NBAS: variants seen among roughly 807,000 people sequenced by gnomAD.
The protein encoded by NBAS is NAG/BC035112 fusion.
In NBAS, 219 loss-of-function variants were observed where a neutral mutation model predicts 302.5. The ratio of observed to expected loss-of-function variants is 0.72; its 90% CI spans 0.65 to 0.81. The LOEUF is 0.81. Ranked by LOEUF, NBAS falls within the 30% of genes least tolerant of loss-of-function variation. NBAS has a pLI of 0.00. For synonymous variants in NBAS, 1,118 were observed against 1,021.6 expected (o/e 1.09, Z -1.80); for missense variants, 2,932 against 2,841.6 (o/e 1.03, Z -0.72).
intron 8 of NBAS, among the ~76,000 whole-genome samples, chr2:15,536,052 T>C (rs1663493615): frequency 6.6e-6 from 1 of 152,206 alleles, no homozygotes; most frequent in Admixed American, 6.5e-5. Context: ...TCAAGATGTA[T>C]GCATTTCACT....
At chr2:15,550,609 C>T (rs1342510931) in intron 6 of NBAS, among the ~76,000 whole-genome samples, 7 of 139,402 alleles carry the variant, frequency 5.0e-5, no homozygotes, top group South Asian at 2.2e-4. Flanking sequence ...TTTTTTGAGA[C>T]GGAGTCTCAC....
chr2:15,434,242 G>A (rs543060408), intron 21 of NBAS, among the ~76,000 whole-genome samples: 2 of 152,260 alleles, frequency 1.3e-5, no homozygotes, highest in Non-Finnish European at 2.9e-5. Context: ...CAAAACAAGA[G>A]AGATAAACAA....
intron 39 of NBAS, 143 bp downstream of exon 39, chr2:15,309,028 C>A (rs535388578): frequency 1.8e-4 from 62 of 352,206 alleles, no homozygotes; most frequent in African/African-American, 5.5e-4. Flanking sequence ...ATAATAAATA[C>A]ATAAATAAAT....
intron 6 of NBAS, among the ~76,000 whole-genome samples, chr2:15,549,122 T>C (rs1664255946): frequency 6.6e-6 from 1 of 152,204 alleles, no homozygotes; most frequent in Admixed American, 6.5e-5. Flanking sequence ...TTTACATACA[T>C]TAATTCATAT....
chr2:14,953,783 G>A, the NBAS span, among the ~76,000 whole-genome samples: 1 of 152,226 alleles, frequency 6.6e-6, no homozygotes, highest in Admixed American at 6.5e-5. Context: ...AAGAGGAGCA[G>A]CTTTCGTTAG....
chr2:14,832,436 C>A, the NBAS span, among the ~76,000 whole-genome samples: 1 of 152,104 alleles, frequency 6.6e-6, no homozygotes, highest in Admixed American at 6.6e-5. Flanking sequence ...GTCCTTGATC[C>A]AATAGTGGGA....
At chr2:15,045,859 C>T in the NBAS span, among the ~76,000 whole-genome samples, 3 of 152,216 alleles carry the variant, frequency 2.0e-5, no homozygotes, top group Admixed American at 2.0e-4. Context: ...TTCTCTACCT[C>T]CTTGCCAACA....
At chr2:15,018,022 C>G in the NBAS span, among the ~76,000 whole-genome samples, 2 of 151,796 alleles carry the variant, frequency 1.3e-5, no homozygotes, top group Non-Finnish European at 2.9e-5. Flanking sequence ...TTATGTTAAG[C>G]AAAATAAGCC....
chr2:15,330,634 C>T lies in NBAS; in HGVS notation c.4311G>A (p.Trp1437Ter), dbSNP rs368116711. The T allele has an allele frequency of 1.2e-6, 2 of 1,614,026 alleles. No individual in the cohort carries two copies. The highest frequency in any genetic ancestry group is 1.7e-6 in the Non-Finnish European group (2 of 1,179,928). Reference protein sequence around the residue: ...AVLQAVSDGQWWKKSLTYLRP... With the variant: ...AVLQAVSDGQ ...GAAGGTAAGTTAAAGACTTCTTCCA[C>T]CACTGCCCATCACTGACGGCCTGCA... Residue 1437 changes from tryptophan (W) to a stop codon, truncating the protein, a stop_gained, in exon 36 of 52, where the codon TGG becomes TGA. Coordinates refer to ENST00000281513, the MANE Select transcript of NBAS (RefSeq NM_015909.4). LOFTEE classifies it high-confidence loss of function.
chr2:14,888,272 A>G, the NBAS span, among the ~76,000 whole-genome samples: 1 of 152,296 alleles, frequency 6.6e-6, no homozygotes, highest in East Asian at 1.9e-4. Context: ...CTTGGATTAC[A>G]GGTGTGTGCC....
intron 13 of NBAS, 71 bp downstream of exon 13, chr2:15,478,155 C>A: frequency 1.9e-6 from 2 of 1,080,422 alleles, no homozygotes; most frequent in Non-Finnish European, 2.8e-6. Context: ...CTTTTTATAT[C>A]ATCCAAAGAG....
the NBAS span, among the ~76,000 whole-genome samples, chr2:14,858,511 C>T: frequency 6.6e-6 from 1 of 151,938 alleles, no homozygotes; most frequent in Non-Finnish European, 1.5e-5. Flanking sequence ...ACTTTTATGT[C>T]TCTTGAATGG....
At chr2:15,326,595 C>T (rs1013882968) in intron 38 of NBAS, among the ~76,000 whole-genome samples, 3 of 151,928 alleles carry the variant, frequency 2.0e-5, no homozygotes, top group Non-Finnish European at 2.9e-5. Flanking sequence ...AGAAACATGA[C>T]TATACTTTTC....
the NBAS span, among the ~76,000 whole-genome samples, chr2:14,812,244 G>T: frequency 7.2e-5 from 11 of 152,262 alleles, no homozygotes; most frequent in Admixed American, 7.2e-4. Context: ...GCATCACAGG[G>T]AGACAAGACC....
At chr2:15,304,778 T>A (rs1337616847) in intron 40 of NBAS, among the ~76,000 whole-genome samples, 2 of 152,188 alleles carry the variant, frequency 1.3e-5, no homozygotes, top group African/African-American at 2.4e-5. Context: ...GATTTAGGGT[T>A]TCTGGTGGGA....
the NBAS span, among the ~76,000 whole-genome samples, chr2:14,833,681 C>G: frequency 6.7e-6 from 1 of 150,300 alleles, no homozygotes. Flanking sequence ...TATTACAATT[C>G]TTAAGAATAA....
chr2:15,071,952 T>A, the NBAS span, among the ~76,000 whole-genome samples: 3 of 152,220 alleles, frequency 2.0e-5, no homozygotes, highest in Non-Finnish European at 4.4e-5. Context: ...TACATCTTTG[T>A]CCCTGAAGAC....
chr2:15,441,553 T>A (rs1286087237), intron 21 of NBAS, among the ~76,000 whole-genome samples: 2 of 151,954 alleles, frequency 1.3e-5, no homozygotes, highest in African/African-American at 4.8e-5. Flanking sequence ...TGCAAAATCA[T>A]GCCAAAATGT....
the NBAS span, among the ~76,000 whole-genome samples, chr2:15,142,852 T>C: frequency 6.6e-6 from 1 of 152,204 alleles, no homozygotes; most frequent in African/African-American, 2.4e-5. Flanking sequence ...AGCGTACAGA[T>C]GAGGGCAAGG....
Sources: gnomAD v4.1 joint callset for allele counts (sites outside exome capture counted in the v4.1 genomes callset) on GRCh38, gnomAD v4.1.1 for gene constraint, MANE v1.5 for transcripts, NCBI Gene and HGNC (gene_info 2026-07-23, HGNC 2026-07-21) for gene names.